The following DPP10 variants were observed in gnomAD, a reference collection of about 807,000 sequenced individuals.
DPP10 encodes the protein dipeptidyl peptidase like 10, also known as inactive dipeptidyl peptidase 10.
A neutral mutation model predicts 120.9 loss-of-function variants in DPP10; 33 were observed. The ratio of observed to expected loss-of-function variants is 0.27; its 90% CI spans 0.21 to 0.37. The LOEUF (loss-of-function observed/expected upper bound fraction) is 0.37. Among genes scored for constraint, DPP10 ranks in the 10% least tolerant of loss-of-function variants. DPP10 has a pLI of 1.00. For missense variants in DPP10, 816 were observed against 942.8 expected (o/e 0.87, Z 1.76); for synonymous variants, 337 against 326.1 (o/e 1.03, Z -0.36).
chr2:115,180,981 G>A (rs1190886728), intron 1 of DPP10, among the ~76,000 whole-genome samples: 1 of 68,406 alleles, frequency 1.5e-5, no homozygotes, highest in African/African-American at 3.1e-5. Flanking sequence ...AATAAAAGTT[G>A]TCTCTTTTCC....
chr2:114,790,111 G>C (rs555581022), intron 1 of DPP10, among the ~76,000 whole-genome samples: 1 of 152,284 alleles, frequency 6.6e-6, no homozygotes, highest in East Asian at 1.9e-4. Context: ...ATTATATAAG[G>C]CCACCTTAAT....
chr2:114,714,599 C>T (rs1402253340), intron 1 of DPP10, among the ~76,000 whole-genome samples: 1 of 152,080 alleles, frequency 6.6e-6, no homozygotes, highest in African/African-American at 2.4e-5. Flanking sequence ...GGTCTGGCTC[C>T]TTGAAAGTTC....
intron 1 of DPP10, among the ~76,000 whole-genome samples, chr2:114,948,930 G>GTTTTTTTTTTTTTT (rs1250432482): frequency 2.1e-5 from 3 of 144,264 alleles, no homozygotes; most frequent in African/African-American, 5.1e-5. Context: ...GAGACACTTT[G>GTTTTTTTTTTTTTT]TTTTTTTTTT....
At chr2:115,372,034 T>C (rs1449360284) in intron 3 of DPP10, among the ~76,000 whole-genome samples, 1 of 152,162 alleles carries the variant, frequency 6.6e-6, no homozygotes, top group African/African-American at 2.4e-5. Context: ...GATGGTTTTC[T>C]ATGTAATGTA....
intron 3 of DPP10, among the ~76,000 whole-genome samples, chr2:115,349,559 A>T (rs558066246): frequency 6.6e-6 from 1 of 152,248 alleles, no homozygotes; most frequent in Non-Finnish European, 1.5e-5. Context: ...GATGCTCTGA[A>T]CACCTGACAT....
rs189669419 is a variant in DPP10 at position 114,845,341 on chromosome 2, G to A, written c.60+402503G>A. 1.6e-4 allele frequency among the ~76,000 whole-genome samples: 25 copies of A among 152,154 alleles called. No individual in the cohort carries two copies. In the South Asian group the frequency reaches 1.7e-3, roughly 10 times the overall value. ...CATAATATGCATATGTGGGGACAGG[G>A]GGTATATAAGAACTCTTAACTTTCT... On this transcript the variant is annotated intron_variant, in intron 1 of 25. Transcript: ENST00000410059.
At chr2:114,811,345 T>A (rs890427228) in intron 1 of DPP10, among the ~76,000 whole-genome samples, 1 of 152,086 alleles carries the variant, frequency 6.6e-6, no homozygotes, top group Non-Finnish European at 1.5e-5. Flanking sequence ...AGAGTCTAGG[T>A]GTTTATTCAG....
chr2:114,495,109 G>A (rs959736978), intron 1 of DPP10, among the ~76,000 whole-genome samples: 2 of 152,088 alleles, frequency 1.3e-5, no homozygotes, highest in East Asian at 1.9e-4. Flanking sequence ...TATTTGCTAA[G>A]GATTATAGAA....
At chr2:114,970,455 T>G (rs927616798) in intron 1 of DPP10, among the ~76,000 whole-genome samples, 1 of 152,146 alleles carries the variant, frequency 6.6e-6, no homozygotes, top group African/African-American at 2.4e-5. Context: ...TCTTCCAATA[T>G]GTATTTGATG....
At chr2:115,321,631 T>C (rs1212682572) in intron 2 of DPP10, among the ~76,000 whole-genome samples, 2 of 151,758 alleles carry the variant, frequency 1.3e-5, no homozygotes, top group East Asian at 3.9e-4. Context: ...GCCCTTTTCC[T>C]CTCTCTCCTC....
At chr2:115,308,722 G>T in intron 1 of DPP10, among the ~76,000 whole-genome samples, 1 of 147,334 alleles carries the variant, frequency 6.8e-6, no homozygotes, top group Non-Finnish European at 1.5e-5. Flanking sequence ...TTTTATGAGT[G>T]GTGGGAGAAC....
At chr2:115,806,547 T>C (rs530872603) in intron 19 of DPP10, among the ~76,000 whole-genome samples, 14 of 151,906 alleles carry the variant, frequency 9.2e-5, no homozygotes, top group African/African-American at 3.4e-4. Context: ...AAACCAGTAT[T>C]GTATCACCAC....
intron 1 of DPP10, among the ~76,000 whole-genome samples, chr2:115,068,454 A>G (rs1027631631): frequency 6.6e-6 from 1 of 151,582 alleles, no homozygotes; most frequent in Non-Finnish European, 1.5e-5. Flanking sequence ...TGAATTCCTT[A>G]TATGTTTTGG....
intron 1 of DPP10, among the ~76,000 whole-genome samples, chr2:114,484,858 G>A (rs1473962225): frequency 6.6e-6 from 1 of 151,822 alleles, no homozygotes; most frequent in Non-Finnish European, 1.5e-5. Flanking sequence ...TTCAGGTATA[G>A]AGGTTTTTGC....
chr2:115,431,751 A>G (rs2071006812), intron 3 of DPP10, among the ~76,000 whole-genome samples: 1 of 152,038 alleles, frequency 6.6e-6, no homozygotes, highest in Non-Finnish European at 1.5e-5. Flanking sequence ...TTTGGATATC[A>G]TCCCTCCATT....
chr2:115,523,643 C>A (rs2077957074), intron 4 of DPP10, among the ~76,000 whole-genome samples: 1 of 152,070 alleles, frequency 6.6e-6, no homozygotes, highest in Admixed American at 6.6e-5. Flanking sequence ...AAACAATACA[C>A]CTCCTGATAC....
At chr2:115,207,867 A>G (rs2056253094) in intron 1 of DPP10, among the ~76,000 whole-genome samples, 1 of 152,182 alleles carries the variant, frequency 6.6e-6, no homozygotes, top group Admixed American at 6.5e-5. Flanking sequence ...AGAATGAACT[A>G]TAGGCAATCA....
At chr2:115,552,220 C>A (rs1204488161) in intron 5 of DPP10, among the ~76,000 whole-genome samples, 2 of 152,104 alleles carry the variant, frequency 1.3e-5, no homozygotes, top group Non-Finnish European at 2.9e-5. Flanking sequence ...TTAAAACAAT[C>A]ATAATTTATC....
At chr2:115,610,867 A>G (rs186911451) in intron 5 of DPP10, among the ~76,000 whole-genome samples, 1 of 152,308 alleles carries the variant, frequency 6.6e-6, no homozygotes, top group African/African-American at 2.4e-5. Flanking sequence ...TCAGTAAACA[A>G]TAGTGTCCTA....
Sources: allele counts gnomAD v4.1 joint callset (sites outside exome capture counted in the v4.1 genomes callset), GRCh38; gene constraint gnomAD v4.1.1; transcripts MANE v1.5; gene names NCBI Gene and HGNC (gene_info 2026-07-23, HGNC 2026-07-21).